Variants in FAP observed in about 807,000 individuals in gnomAD.
FAP encodes the protein prolyl endopeptidase FAP.
In FAP, 110 loss-of-function variants were observed where a neutral mutation model predicts 126.5. That is an observed-to-expected ratio of 0.87 (90% CI 0.74 to 1.02). The LOEUF (loss-of-function observed/expected upper bound fraction) is 1.02. FAP is among the 50% of genes least tolerant of loss of function. The probability of loss-of-function intolerance (pLI) is 0.00; values close to 1 mark genes in which losing one functional copy is unlikely to be tolerated. For synonymous variants in FAP, 334 were observed against 297.3 expected, an observed-to-expected ratio of 1.12 and a Z score of -1.27; for missense variants, 919 against 909.2, an observed-to-expected ratio of 1.01 and a Z score of -0.14.
chr2:162,215,639 T>C (rs542433806), intron 10 of FAP, among the ~76,000 whole-genome samples: 1 of 152,326 alleles, frequency 6.6e-6, no homozygotes, highest in Admixed American at 6.5e-5. Context: ...AATTTTACTG[T>C]CTGCTTGTTG....
chr2:162,225,149 T>C (rs1161644243), intron 4 of FAP, among the ~76,000 whole-genome samples: 1 of 152,150 alleles, frequency 6.6e-6, no homozygotes, highest in African/African-American at 2.4e-5. Context: ...CATAGTAAGA[T>C]TGCTGTAGTG....
intron 21 of FAP, among the ~76,000 whole-genome samples, chr2:162,179,787 T>TATCA (rs201818917): frequency 0.052 from 2,964 of 56,774 alleles, 71 homozygotes; most frequent in Middle Eastern, 0.15. Flanking sequence ...TCTATCTATC[T>TATCA]ATCTATATAT....
chr2:162,190,802 T>C (rs1361187751), intron 17 of FAP, among the ~76,000 whole-genome samples: 4 of 151,912 alleles, frequency 2.6e-5, no homozygotes, highest in African/African-American at 7.3e-5. Flanking sequence ...GCTGGAGGAG[T>C]GCTTGTAACT....
chr2:162,240,738 T>A (rs1690314348), intron 2 of FAP, among the ~76,000 whole-genome samples: 1 of 152,204 alleles, frequency 6.6e-6, no homozygotes, highest in South Asian at 2.1e-4. Flanking sequence ...GTAATGGGAT[T>A]TCTGATGAAT....
chr2:162,223,827 G>A (rs1689514155), intron 5 of FAP, among the ~76,000 whole-genome samples, 167 bp from the exon 6 acceptor site: 1 of 152,162 alleles, frequency 6.6e-6, no homozygotes, highest in African/African-American at 2.4e-5. Context: ...TTCATTTAAA[G>A]AGTCTTACTG....
At position 162,219,866 on chromosome 2, in the gene FAP, A is replaced by C; in HGVS notation, c.473T>G (p.Val158Gly). Residue 158 changes from valine to glycine, a missense_variant, in exon 7 of 26, where the codon GTT becomes GGT. Physicochemically the swap from Val to Gly is moderately radical, Grantham distance 109. Transcript: ENST00000188790. ...RPIQYLCWSP[V>G]GSKLAYVYQN... ...TTAAACACTTACTAATTTACTCCCA[A>C]CAGGCGACCAGCATAAATACTGAAT... 6.2e-7 allele frequency: 1 copy of C among 1,610,014 alleles called. No homozygotes were observed. Among genetic ancestry groups the C allele is most frequent in the Non-Finnish European group, 8.5e-7 (1 of 1,176,520 alleles).
chr2:162,198,191 A>G (rs1225378131), intron 16 of FAP: 2 of 1,288,360 alleles, frequency 1.6e-6, no homozygotes, highest in Non-Finnish European at 2.0e-6. Context: ...TGTTTTCCAA[A>G]TTTAGAAAGG....
chr2:162,221,771 G>A (rs990379278), intron 6 of FAP: 14 of 455,880 alleles, frequency 3.1e-5, no homozygotes, highest in African/African-American at 2.6e-4. Context: ...TTACAAAGGC[G>A]TTCATCTCCT....
rs1407191161 is a variant in FAP at position 162,232,763 on chromosome 2, T to G, written c.92-6142A>C. Among the ~76,000 whole-genome samples the G allele has an allele frequency of 2.0e-5, 3 of 152,212 alleles. No homozygotes were observed. In the East Asian group the frequency reaches 5.8e-4, roughly 29 times the overall value. ...TTATTGTTATGTTATATTATTTTAA[T>G]TAGGGTTCATTTATTTTTCTGGATA... On this transcript the variant is annotated intron_variant, in intron 2 of 25. Transcript: ENST00000188790.
intron 20 of FAP, 49 bp downstream of exon 20, chr2:162,188,120 C>A (rs1205622260): frequency 1.4e-6 from 2 of 1,425,896 alleles, no homozygotes; most frequent in African/African-American, 1.4e-5. Flanking sequence ...ATAGTGATTG[C>A]ATGACTTTTG....
intron 21 of FAP, among the ~76,000 whole-genome samples, chr2:162,178,768 G>A (rs1431340566): frequency 2.0e-5 from 3 of 152,128 alleles, no homozygotes; most frequent in Non-Finnish European, 2.9e-5. Context: ...TGTTGGGTGC[G>A]ATGTATTTCC....
intron 2 of FAP, among the ~76,000 whole-genome samples, chr2:162,237,826 C>A (rs1308893115): frequency 1.3e-5 from 2 of 152,152 alleles, no homozygotes; most frequent in Admixed American, 6.5e-5. Flanking sequence ...AGTGTAAAAG[C>A]ATTCCTATTT....
Position 162,173,221 on chromosome 2 carries a change from T to A in FAP, c.2035A>T (p.Asn679Tyr). 6.2e-7 allele frequency: 1 copy of A among 1,612,114 alleles called. No homozygotes were observed. Among genetic ancestry groups the A allele is most frequent in the Non-Finnish European group, 8.5e-7 (1 of 1,178,448 alleles). Residue 679 changes from asparagine (N) to tyrosine (Y), a missense_variant and splice_region_variant, in exon 24 of 26, where the codon AAT becomes TAT. Coordinates refer to ENST00000188790, the MANE Select transcript of FAP (RefSeq NM_004460.5). ...TKDDNLEHYK[N>Y]STVMARAEYF... ...TCTGCTCTTGCCATCACAGTTGAAT[T>A]CTGGAAAAGAGAAAAAAATTAACAT...
At chr2:162,212,995 C>T (rs903455842) in intron 11 of FAP, among the ~76,000 whole-genome samples, 2 of 152,152 alleles carry the variant, frequency 1.3e-5, no homozygotes, top group East Asian at 1.9e-4. Context: ...TAGTACATGT[C>T]GGGTACTGTC....
Position 162,189,105 on chromosome 2 carries a change from T to A in FAP, c.1617A>T (p.Gln539His). 1 of 1,583,300 alleles carries A rather than the reference T, an allele frequency of 6.3e-7. No individual in the cohort carries two copies. ...DRSKKYPLLI[Q>H]VYGGPCSQSV... ...ACACCAAAGAAAATATTACATACAC[T>A]TGAATTAGCAAGGGATACTTCTTTG... Residue 539 changes from glutamine (Q) to histidine (H), a missense_variant and splice_region_variant, in exon 19 of 26, where the codon CAA (glutamine) becomes CAT (histidine). By Grantham distance (24) the Gln-to-His change is conservative (BLOSUM62 0). Coordinates refer to ENST00000188790, the MANE Select transcript of FAP (RefSeq NM_004460.5).
At chr2:162,194,330 A>AG (rs200580541) in intron 17 of FAP, 4 of 170,910 alleles carry the variant, frequency 2.3e-5, no homozygotes, top group South Asian at 2.8e-4. Context: ...CCAATCCCTG[A>AG]GGAAAAAAAA....
chr2:162,191,875 T>C (rs1006169520), intron 17 of FAP, among the ~76,000 whole-genome samples: 2 of 152,148 alleles, frequency 1.3e-5, no homozygotes, highest in African/African-American at 4.8e-5. Context: ...TCCCCCTCTT[T>C]GCAGGGAAAA....
At chr2:162,207,023 C>T (rs1224453316) in intron 12 of FAP, among the ~76,000 whole-genome samples, 1 of 152,098 alleles carries the variant, frequency 6.6e-6, no homozygotes, top group Non-Finnish European at 1.5e-5. Flanking sequence ...AAAATTTATA[C>T]TAATACGACT....
At chr2:162,230,148 C>T (rs1159186716) in intron 2 of FAP, among the ~76,000 whole-genome samples, 1 of 152,100 alleles carries the variant, frequency 6.6e-6, no homozygotes, top group Non-Finnish European at 1.5e-5. Flanking sequence ...CCCCAATATA[C>T]TCAGAGAAAT....
Sources: allele counts gnomAD v4.1 joint callset (sites outside exome capture counted in the v4.1 genomes callset), GRCh38; gene constraint gnomAD v4.1.1; transcripts MANE v1.5; gene names NCBI Gene and HGNC (gene_info 2026-07-23, HGNC 2026-07-21).